ANK3: variants seen among roughly 807,000 people sequenced by gnomAD.
ANK3 encodes ankyrin-3.
A neutral mutation model predicts 370.9 loss-of-function variants in ANK3; 57 were observed. The observed-to-expected ratio is 0.15, with a 90% CI of 0.12 to 0.19. The LOEUF (loss-of-function observed/expected upper bound fraction) is 0.19. ANK3 is among the 10% of genes least tolerant of loss of function. The pLI is 1.00. For synonymous variants in ANK3, 1,929 were observed against 1,946.3 expected, an observed-to-expected ratio of 0.99 and a Z score of 0.23; for missense variants, 4,439 against 5,302.1, an observed-to-expected ratio of 0.84 and a Z score of 5.06.
intron 2 of ANK3, among the ~76,000 whole-genome samples, chr10:60,501,229 G>C (rs78092536): frequency 2.0e-5 from 3 of 152,192 alleles, no homozygotes; most frequent in Non-Finnish European, 4.4e-5. Flanking sequence ...CAGGAGGTGA[G>C]AGGAGGAGGA....
intron 2 of ANK3, among the ~76,000 whole-genome samples, chr10:60,511,367 A>G (rs1218978412): frequency 6.6e-6 from 1 of 152,172 alleles, no homozygotes; most frequent in African/African-American, 2.4e-5. Context: ...ATGCGACTAC[A>G]AAACTGAAAA....
chr10:60,613,167 G>T (rs563312257), intron 2 of ANK3, among the ~76,000 whole-genome samples: 1 of 152,134 alleles, frequency 6.6e-6, no homozygotes, highest in Non-Finnish European at 1.5e-5. Flanking sequence ...TCTAAAAATT[G>T]TATTAATTAT....
At chr10:60,413,679 A>G (rs2063604421) in intron 2 of ANK3, among the ~76,000 whole-genome samples, 1 of 152,222 alleles carries the variant, frequency 6.6e-6, no homozygotes, top group Non-Finnish European at 1.5e-5. Context: ...AGAATCATGC[A>G]GAGTATTTAA....
At chr10:60,480,349 T>G (rs565838745) in intron 2 of ANK3, among the ~76,000 whole-genome samples, 1 of 151,940 alleles carries the variant, frequency 6.6e-6, no homozygotes, top group Admixed American at 6.6e-5. Context: ...AAAAAATATC[T>G]TGAAGGGGAA....
chr10:60,636,105 G>T (rs1264256547), intron 1 of ANK3, among the ~76,000 whole-genome samples: 4 of 102,098 alleles, frequency 3.9e-5, no homozygotes, highest in African/African-American at 1.6e-4. Context: ...CTAAAATCAT[G>T]CTTATTAAAA....
At chr10:60,184,614 A>G (rs1391059659) in intron 17 of ANK3, among the ~76,000 whole-genome samples, 2 of 152,166 alleles carry the variant, frequency 1.3e-5, no homozygotes, top group African/African-American at 4.8e-5. Flanking sequence ...CTGGTTTGCT[A>G]TATGTCTTTG....
Position 60,080,627 on chromosome 10 carries a change from G to GA in ANK3, c.4351-10dup, listed in dbSNP as rs761309113. ...CTATCTGTTTTCTCAATCTGAAAAG[G>GA]AAAAAAAAAAAGACAACTCTATTTC... On this transcript the variant is annotated splice_polypyrimidine_tract_variant and intron_variant, in intron 35 of 43. Coordinates refer to ENST00000280772, the MANE Select transcript of ANK3 (RefSeq NM_020987.5). 0.029 allele frequency: 31,604 copies of GA among 1,082,432 alleles called. No homozygotes were observed. The highest frequency in any genetic ancestry group is 0.033 in the South Asian group (1,789 of 53,472). 67.1% of individuals were successfully genotyped at this position (1,082,432 alleles called of 1,614,324 possible).
chr10:60,226,564 CA>C (rs2097162532), intron 8 of ANK3, among the ~76,000 whole-genome samples: 1 of 25,856 alleles, frequency 3.9e-5, no homozygotes, highest in Non-Finnish European at 6.9e-5. Context: ...AGTATATATA[CA>C]TAGTATATGT....
chr10:60,475,152 A>G (rs983151690), intron 2 of ANK3, among the ~76,000 whole-genome samples: 2 of 152,182 alleles, frequency 1.3e-5, no homozygotes, highest in African/African-American at 4.8e-5. Context: ...GGACTAACAC[A>G]CATATGCCAC....
At chr10:60,452,339 A>G (rs921764924) in intron 2 of ANK3, among the ~76,000 whole-genome samples, 12 of 152,204 alleles carry the variant, frequency 7.9e-5, no homozygotes, top group African/African-American at 2.9e-4. Flanking sequence ...AGTTGCTTCT[A>G]TTGTGGTTTC....
At chr10:60,054,566 T>G (rs554381663) in intron 42 of ANK3, among the ~76,000 whole-genome samples, 8 of 152,320 alleles carry the variant, frequency 5.3e-5, no homozygotes, top group African/African-American at 1.7e-4. Context: ...TTACTCTCCC[T>G]TCTAACAAGC....
chr10:60,333,861 T>G (rs79648887), intron 1 of ANK3, among the ~76,000 whole-genome samples: 1 of 152,168 alleles, frequency 6.6e-6, no homozygotes, highest in Non-Finnish European at 1.5e-5. Context: ...TTAAAGAAAA[T>G]TTTCTTTTCT....
Position 60,075,954 on chromosome 10 carries a change from G to T in ANK3, c.4927C>A (p.Pro1643Thr). ...ATGTTTGATTTGGGGGAGGCAGGGG[G>T]TGTCATAGTAATTGATGACCTCTCC... ...LLERSSITMT[P>T]PASPKSNINM... The change falls in exon 37 of 44, where the codon CCC becomes ACC. Residue 1643 changes from proline to threonine, a missense_variant. Physicochemically the swap from Pro to Thr is conservative, Grantham distance 38 (BLOSUM62 -1). Coordinates refer to ENST00000280772, the MANE Select transcript of ANK3 (RefSeq NM_020987.5). 1 of 1,614,104 alleles carries T rather than the reference G, an allele frequency of 6.2e-7. No homozygotes were observed.
chr10:60,196,769 G>A (rs1285143719), intron 14 of ANK3, 144 bp from the exon 15 acceptor site: 1 of 603,260 alleles, frequency 1.7e-6, no homozygotes, highest in East Asian at 2.8e-5. Context: ...TTCTATTGAT[G>A]ATGAGCAGTG....
At chr10:60,597,084 C>G (rs1404576067) in intron 2 of ANK3, among the ~76,000 whole-genome samples, 1 of 151,932 alleles carries the variant, frequency 6.6e-6, no homozygotes, top group East Asian at 1.9e-4. Flanking sequence ...CTTAGCATTC[C>G]CCTCCACTAA....
At chr10:60,722,283 A>G (rs920297758) in intron 1 of ANK3, among the ~76,000 whole-genome samples, 1 of 152,102 alleles carries the variant, frequency 6.6e-6, no homozygotes, top group African/African-American at 2.4e-5. Context: ...GATGTTTAAT[A>G]AAATTTAAAA....
intron 1 of ANK3, among the ~76,000 whole-genome samples, chr10:60,294,488 C>A (rs2042102929): frequency 6.6e-6 from 1 of 151,986 alleles, no homozygotes; most frequent in African/African-American, 2.4e-5. Flanking sequence ...AAACTATGTG[C>A]CTTTTTTGGG....
At chr10:60,141,834 A>G (rs1399612518) in intron 23 of ANK3, among the ~76,000 whole-genome samples, 6 of 152,116 alleles carry the variant, frequency 3.9e-5, no homozygotes, top group Non-Finnish European at 8.8e-5. Flanking sequence ...TTAGGATGCT[A>G]TGACACCTGG....
chr10:60,395,642 CTCTCTCTCTT>C (rs1396953475), intron 2 of ANK3, among the ~76,000 whole-genome samples: 1 of 146,176 alleles, frequency 6.8e-6, no homozygotes, highest in Admixed American at 6.8e-5. Flanking sequence ...CTCTCTCTCT[CTCTCTCTCTT>C]TCTTTCTTTC....
Sources: allele counts gnomAD v4.1 joint callset (sites outside exome capture counted in the v4.1 genomes callset), GRCh38; gene constraint gnomAD v4.1.1; transcripts MANE v1.5; gene names NCBI Gene and HGNC (gene_info 2026-07-23, HGNC 2026-07-21).